PRKCE: variants seen among roughly 807,000 people sequenced by gnomAD.
PRKCE encodes the protein protein kinase C epsilon type.
PRKCE carries 16 observed loss-of-function variants against 85.4 expected under a neutral mutation model. That is an observed-to-expected ratio of 0.19 (90% CI 0.13 to 0.28). The LOEUF is 0.28. Ranked by LOEUF, PRKCE falls within the 10% of genes least tolerant of loss-of-function variation. The pLI, the probability that PRKCE is intolerant of heterozygous loss-of-function variation, is 1.00. For missense variants in PRKCE, 573 were observed against 975.2 expected (o/e 0.59, Z 5.49); for synonymous variants, 388 against 371.5 (o/e 1.04, Z -0.51).
Position 45,933,323 on chromosome 2 carries a change from T to C in PRKCE, c.413-43106T>C, listed in dbSNP as rs534093995. Among the ~76,000 whole-genome samples, 7 of 152,328 alleles carry C rather than the reference T, an allele frequency of 4.6e-5. No individual in the cohort carries two copies. The East Asian group carries it at 1.3e-3, about 29-fold the overall frequency. On this transcript the variant is annotated intron_variant, in intron 2 of 14. Coordinates refer to ENST00000306156, the MANE Select transcript of PRKCE (RefSeq NM_005400.3). ...GATGAACAGAAGTCCCTGAGGAATGTATCAATTTATCAGTTATTTTCTTTA... is the reference window on the plus strand; with the variant it reads ...GATGAACAGAAGTCCCTGAGGAATGCATCAATTTATCAGTTATTTTCTTTA...
chr2:46,122,242 GT>G (rs1190964944), intron 11 of PRKCE, among the ~76,000 whole-genome samples: 1 of 151,800 alleles, frequency 6.6e-6, no homozygotes, highest in Non-Finnish European at 1.5e-5. Context: ...TTTTTGTTTT[GT>G]TTTTTTGAGA....
At position 46,184,606 on chromosome 2, in the gene PRKCE, G is replaced by A; in HGVS notation, c.2068-129G>A. 8.4e-7 allele frequency: 1 copy of A among 1,184,932 alleles called. No homozygotes were observed. The highest frequency in any genetic ancestry group is 1.2e-6 in the Non-Finnish European group (1 of 841,602). 73.4% of individuals were successfully genotyped at this position (1,184,932 alleles called of 1,614,324 possible). ...CGTTACCTCATCGGGACAGCCCCGTGTCTGCTGTCTGTTGGTAGCTAGAGG... is the reference window on the plus strand; with the variant it reads ...CGTTACCTCATCGGGACAGCCCCGTATCTGCTGTCTGTTGGTAGCTAGAGG... On this transcript the variant is annotated intron_variant, in intron 14 of 14. Transcript: ENST00000306156. This position sits in a 1 kb window ranked among gnomAD's most constrained non-coding sequence, Gnocchi z 5.0.
At chr2:45,738,779 C>T (rs1213907168) in intron 1 of PRKCE, among the ~76,000 whole-genome samples, 2 of 152,164 alleles carry the variant, frequency 1.3e-5, no homozygotes, top group East Asian at 3.8e-4. Context: ...GATATGACAG[C>T]TCTTAAAAGT....
intron 6 of PRKCE, among the ~76,000 whole-genome samples, chr2:45,996,859 TTCTG>T (rs1362763203): frequency 2.0e-5 from 3 of 152,172 alleles, no homozygotes; most frequent in Non-Finnish European, 2.9e-5. Flanking sequence ...TTAGGATATA[TTCTG>T]TCTGTTTCTT....
intron 1 of PRKCE, chr2:45,685,287 T>A (rs1034911125): frequency 6.6e-6 from 1 of 152,228 alleles, no homozygotes; most frequent in Non-Finnish European, 1.5e-5. Context: ...ACTCTGTTGT[T>A]TAAATAGCTT....
chr2:45,781,725 T>C (rs1367241203), intron 1 of PRKCE, among the ~76,000 whole-genome samples: 1 of 152,228 alleles, frequency 6.6e-6, no homozygotes, highest in African/African-American at 2.4e-5. Flanking sequence ...GTGAAATATT[T>C]GCTTTTCTTT....
At chr2:45,670,439 C>T (rs1676105655) in intron 1 of PRKCE, among the ~76,000 whole-genome samples, 1 of 152,056 alleles carries the variant, frequency 6.6e-6, no homozygotes, top group Admixed American at 6.5e-5. Flanking sequence ...GAAAATTGAA[C>T]AATATACACA....
At chr2:45,831,464 A>G (rs1399235929) in intron 1 of PRKCE, among the ~76,000 whole-genome samples, 1 of 152,230 alleles carries the variant, frequency 6.6e-6, no homozygotes, top group Non-Finnish European at 1.5e-5. Flanking sequence ...CTCTGGGTAC[A>G]ATGTGGAGGG....
chr2:46,093,799 G>A (rs1476650570), intron 11 of PRKCE, among the ~76,000 whole-genome samples: 1 of 151,942 alleles, frequency 6.6e-6, no homozygotes, highest in East Asian at 1.9e-4. Flanking sequence ...CACCTCCACA[G>A]CCCTATCACA....
At chr2:46,137,514 G>C (rs1317312010) in intron 11 of PRKCE, among the ~76,000 whole-genome samples, 1 of 151,632 alleles carries the variant, frequency 6.6e-6, no homozygotes, top group African/African-American at 2.4e-5. Flanking sequence ...ACTTCGGGAG[G>C]CCAAGGCGGG....
intron 2 of PRKCE, among the ~76,000 whole-genome samples, chr2:45,896,751 G>A (rs930414992): frequency 2.0e-5 from 3 of 152,120 alleles, no homozygotes; most frequent in Non-Finnish European, 2.9e-5. Flanking sequence ...ACTTAGGTGC[G>A]CAGTAGAGCT....
intron 2 of PRKCE, among the ~76,000 whole-genome samples, chr2:45,866,509 G>A (rs35306983): frequency 0.042 from 6,383 of 152,022 alleles, 170 homozygotes; most frequent in South Asian, 0.079. Context: ...GGGTTTCACC[G>A]TGTTAGCCAG....
chr2:46,182,195 T>C (rs1680049792), intron 14 of PRKCE, among the ~76,000 whole-genome samples: 2 of 152,112 alleles, frequency 1.3e-5, no homozygotes, highest in African/African-American at 4.8e-5. Context: ...CTCCTCCCTC[T>C]GGACTGACTC....
rs1034856139 is a variant in PRKCE at position 45,811,515 on chromosome 2, G to A, written c.349-31485G>A. 2.0e-5 allele frequency among the ~76,000 whole-genome samples: 3 copies of A among 152,294 alleles called. No homozygotes were observed. The East Asian group carries it at 5.8e-4, about 29-fold the overall frequency. On this transcript the variant is annotated intron_variant, in intron 1 of 14. Coordinates refer to ENST00000306156, the MANE Select transcript of PRKCE (RefSeq NM_005400.3). ...GGATGACTAGGGGCCAGACAAAAGA[G>A]GGAGGCTGACTCACCCTGCGTTGTA...
intron 10 of PRKCE, among the ~76,000 whole-genome samples, chr2:46,080,445 G>A (rs1574416552): frequency 6.6e-6 from 1 of 152,210 alleles, no homozygotes; most frequent in Admixed American, 6.5e-5. Context: ...TCAAGATGAG[G>A]TTTTACAATA....
intron 1 of PRKCE, chr2:45,675,578 T>G (rs1337725880): frequency 6.6e-6 from 1 of 152,248 alleles, no homozygotes; most frequent in Non-Finnish European, 1.5e-5. Context: ...CCATGTGGTT[T>G]GAGGAAATTC....
chr2:45,809,307 C>T (rs867521874), intron 1 of PRKCE, among the ~76,000 whole-genome samples: 137 of 152,236 alleles, frequency 9.0e-4, no homozygotes, highest in African/African-American at 3.2e-3. Context: ...GGTAATTAAG[C>T]GTCATTCATA....
At chr2:46,089,690 C>A (rs1349592262) in intron 11 of PRKCE, among the ~76,000 whole-genome samples, 1 of 152,134 alleles carries the variant, frequency 6.6e-6, no homozygotes, top group South Asian at 2.1e-4. Context: ...CAGCCCCTCT[C>A]CACTTGCATG....
chr2:46,179,222 G>A (rs1013659905), intron 14 of PRKCE, among the ~76,000 whole-genome samples: 1 of 152,216 alleles, frequency 6.6e-6, no homozygotes, highest in Non-Finnish European at 1.5e-5. Flanking sequence ...CTGGGAATCA[G>A]ATGAAGACAG....
Sources: gnomAD v4.1 joint callset for allele counts (sites outside exome capture counted in the v4.1 genomes callset) on GRCh38, gnomAD v4.1.1 for gene constraint, Gnocchi (gnomAD v3.1) non-coding constraint, MANE v1.5 for transcripts, NCBI Gene and HGNC (gene_info 2026-07-23, HGNC 2026-07-21) for gene names.